The following NCOA6 variants were observed in gnomAD, a reference collection of about 807,000 sequenced individuals.
The protein encoded by NCOA6 is nuclear receptor coactivator 6, also known as NRC RAP250.
In NCOA6, 49 loss-of-function variants were observed where a neutral mutation model predicts 171.4. That is an observed-to-expected ratio of 0.29 (90% CI 0.23 to 0.36). The LOEUF (loss-of-function observed/expected upper bound fraction) is 0.36, where lower values mean the gene tolerates loss of function less well. Ranked by LOEUF, NCOA6 falls within the 10% of genes least tolerant of loss-of-function variation. The pLI, the probability that NCOA6 is intolerant of heterozygous loss-of-function variation, is 1.00. For missense variants in NCOA6, 2,248 were observed against 2,554.5 expected, an observed-to-expected ratio of 0.88 and a Z score of 2.59; for synonymous variants, 910 against 927.5, an observed-to-expected ratio of 0.98 and a Z score of 0.34.
At chr20:34,717,427 G>A (rs1196618329) in intron 14 of NCOA6, among the ~76,000 whole-genome samples, 1 of 152,050 alleles carries the variant, frequency 6.6e-6, no homozygotes, top group African/African-American at 2.4e-5. Flanking sequence ...TCCAGCTTGG[G>A]CAACAAGATT....
intron 5 of NCOA6, among the ~76,000 whole-genome samples, chr20:34,760,744 T>G (rs1410804833): frequency 1.3e-5 from 2 of 152,224 alleles, no homozygotes; most frequent in Non-Finnish European, 2.9e-5. Context: ...ACACTAAAAT[T>G]TATTAGCATA....
chr20:34,791,043 G>T (rs1197734490), intron 2 of NCOA6, among the ~76,000 whole-genome samples: 3 of 152,148 alleles, frequency 2.0e-5, no homozygotes, highest in Non-Finnish European at 4.4e-5. Context: ...ATGGGGAATG[G>T]GACATCTTAA....
At chr20:34,736,844 CT>C in intron 11 of NCOA6, 86 bp from the exon 12 acceptor site, 1 of 1,189,964 alleles carries the variant, frequency 8.4e-7, no homozygotes, top group Non-Finnish European at 1.2e-6. Context: ...GGCTAAGTAA[CT>C]GCTGAAACAA....
rs187293097 is a variant in NCOA6 at position 34,778,249 on chromosome 20, T to C, written c.236-1801A>G. On this transcript the variant is annotated intron_variant, in intron 3 of 14. Transcript: ENST00000359003. ...TAAAAAGGAAGGATATCCTGCCACA[T>C]GAATGGGCTTTGAGCATCTTACGCT... 5.5e-3 allele frequency among the ~76,000 whole-genome samples: 832 copies of C among 152,230 alleles called. 5 individuals are homozygous for C. Among genetic ancestry groups the C allele is most frequent in the Non-Finnish European group, 9.7e-3 (662 of 68,014 alleles).
Position 34,742,164 on chromosome 20 carries a change from T to C in NCOA6, c.4092A>G (p.Leu1364=), listed in dbSNP as rs572229553. The C allele has an allele frequency of 5.6e-6, 9 of 1,614,172 alleles. No homozygotes were observed. Among genetic ancestry groups the C allele is most frequent in the South Asian group, 2.2e-5 (2 of 91,084 alleles). Residue 1364 remains leucine, a synonymous_variant, in exon 11 of 15, where the codon CTA becomes CTG. Transcript: ENST00000359003. Reference sequence around the variant, plus strand: ...TTCTCGGCAACTCCACATTCTGCAATAGGGCTGCATTTGTCTGAGAGGCCA... The same window carrying C: ...TTCTCGGCAACTCCACATTCTGCAACAGGGCTGCATTTGTCTGAGAGGCCA... ...LTLASQTNAA[L]LQNVELPRNV...
rs926805806 is a variant in NCOA6 at position 34,727,264 on chromosome 20, G to C, written c.6143C>G (p.Thr2048Ser). 1.9e-6 allele frequency: 3 copies of C among 1,613,988 alleles called. No individual in the cohort carries two copies. The highest frequency in any genetic ancestry group is 2.5e-6 in the Non-Finnish European group (3 of 1,180,012). Residue 2048 changes from threonine (T) to serine (S), a missense_variant, in exon 14 of 15, where the codon ACT (threonine) becomes AGT (serine). This residue lies in a region of NCOA6 where 884 missense variants were observed against 941.9 expected (regional missense o/e 0.94). Transcript: ENST00000359003. ...SSRPASASSS[T>S]KDITSAVQSK... is the part of the protein sequence containing the mutation. ...ACCCACATCCCACTGCTAACCTTTAGTAGAGCTGGAGGCTGAAGCAGGTCG... is the reference window on the plus strand; with the variant it reads ...ACCCACATCCCACTGCTAACCTTTACTAGAGCTGGAGGCTGAAGCAGGTCG...
At position 34,729,894 on chromosome 20, in the gene NCOA6, C is replaced by T. The variant is rs766265735; in HGVS notation, c.6000-2487G>A. On this transcript the variant is annotated intron_variant, in intron 13 of 14. Coordinates refer to ENST00000359003, the MANE Select transcript of NCOA6 (RefSeq NM_014071.5). ...CATAGCTTTATGTATAACAGCCGCC[C>T]GACACCCAACCATAAGCCAAGGTAA... 3.3e-5 allele frequency among the ~76,000 whole-genome samples: 5 copies of T among 152,170 alleles called. 1 individual carries two copies. Among genetic ancestry groups the T allele is most frequent in the South Asian group, 2.1e-4 (1 of 4,812 alleles).
Position 34,742,891 on chromosome 20 carries a change from G to T in NCOA6, c.3365C>A (p.Ser1122Tyr). The T allele has an allele frequency of 1.2e-6, 2 of 1,614,224 alleles. No homozygotes were observed. Among genetic ancestry groups the T allele is most frequent in the Non-Finnish European group, 1.7e-6 (2 of 1,180,038 alleles). Reference sequence around the variant, plus strand: ...GGCCATCTCCGCCAGTGGCGAGCTGGAAGGATTCTGCGGGCTCTCCTGATA... The same window carrying T: ...GGCCATCTCCGCCAGTGGCGAGCTGTAAGGATTCTGCGGGCTCTCCTGATA... ...MVYQESPQNP[S>Y]SSPLAEMASL... The change falls in exon 11 of 15, where the codon TCC becomes TAC. Residue 1122 changes from serine to tyrosine, a missense_variant. Coordinates refer to ENST00000359003, the MANE Select transcript of NCOA6 (RefSeq NM_014071.5).
At chr20:34,779,049 T>C (rs1443846283) in intron 3 of NCOA6, among the ~76,000 whole-genome samples, 3 of 151,982 alleles carry the variant, frequency 2.0e-5, no homozygotes, top group African/African-American at 7.3e-5. Context: ...GTACATTTAA[T>C]TTCCACTAAA....
At chr20:34,777,842 G>T (rs1038429260) in intron 3 of NCOA6, among the ~76,000 whole-genome samples, 1 of 152,144 alleles carries the variant, frequency 6.6e-6, no homozygotes, top group Non-Finnish European at 1.5e-5. Context: ...CTAAGATATG[G>T]AAGCAACCCA....
rs185291031 is a variant in NCOA6, at chr20:34,741,866, G to C, written c.4390C>G (p.Pro1464Ala). 65 of 1,614,138 alleles carry C rather than the reference G, an allele frequency of 4.0e-5. No homozygotes were observed. The highest frequency in any genetic ancestry group is 2.5e-4 in the East Asian group (11 of 44,876). ...PEDQSKKDGQ[P>A]SDPNKLPSVE... is the part of the protein sequence containing the mutation. Reference sequence around the variant, plus strand: ...CTGGGAAGTTTGTTAGGATCCGAAGGCTGCCCATCCTTTTTGGACTGATCT... The same window carrying C: ...CTGGGAAGTTTGTTAGGATCCGAAGCCTGCCCATCCTTTTTGGACTGATCT... The change falls in exon 11 of 15, where the codon CCT (proline) becomes GCT (alanine). Residue 1464 changes from proline to alanine, a missense_variant. Pro to Ala is a conservative substitution (Grantham distance 27). Around this residue, in one of 7 missense-constraint regions of NCOA6, gnomAD observed 884 missense variants for 941.9 expected, o/e 0.94. Coordinates refer to ENST00000359003, the MANE Select transcript of NCOA6 (RefSeq NM_014071.5).
chr20:34,778,734 T>G (rs1196734529), intron 3 of NCOA6, among the ~76,000 whole-genome samples: 4 of 151,954 alleles, frequency 2.6e-5, no homozygotes, highest in Non-Finnish European at 5.9e-5. Flanking sequence ...CCAGAGATGT[T>G]TAATTTTACA....
intron 3 of NCOA6, among the ~76,000 whole-genome samples, chr20:34,777,188 T>C (rs994061962): frequency 6.9e-6 from 1 of 144,976 alleles, no homozygotes; most frequent in African/African-American, 2.6e-5. Flanking sequence ...AATAAGCACA[T>C]GAAAAAATGC....
chr20:34,769,510 C>T (rs1390946709), intron 4 of NCOA6, among the ~76,000 whole-genome samples: 1 of 151,756 alleles, frequency 6.6e-6, no homozygotes, highest in Admixed American at 6.6e-5. Flanking sequence ...ATTACAGGCG[C>T]CCACCACCAC....
Position 34,742,903 on chromosome 20 carries a change from G to A in NCOA6, c.3353C>T (p.Pro1118Leu), listed in dbSNP as rs767151504. Residue 1118 changes from proline to leucine, a missense_variant, in exon 11 of 15, where the codon CCG (proline) becomes CTG (leucine). Around this residue, in one of 7 missense-constraint regions of NCOA6, gnomAD observed 352 missense variants for 419.1 expected, o/e 0.84. Transcript: ENST00000359003. ...CAGTGGCGAGCTGGAAGGATTCTGC[G>A]GGCTCTCCTGATAGACCATTTTCCT... is the stretch of plus-strand genomic sequence containing the variant. ...NSRKMVYQES[P>L]QNPSSSPLAE... 9 of 1,614,032 alleles carry A rather than the reference G, an allele frequency of 5.6e-6. No homozygotes were observed. Among genetic ancestry groups the A allele is most frequent in the Admixed American group, 1.7e-5 (1 of 59,998 alleles).
chr20:34,819,029 A>G (rs1035303171), intron 1 of NCOA6, among the ~76,000 whole-genome samples: 2 of 152,162 alleles, frequency 1.3e-5, no homozygotes, highest in African/African-American at 4.8e-5. Flanking sequence ...ATTTCACCTC[A>G]TCTTTTAATT....
intron 10 of NCOA6, 82 bp from the exon 11 acceptor site, chr20:34,743,423 C>G: frequency 1.4e-6 from 2 of 1,423,800 alleles, no homozygotes; most frequent in Non-Finnish European, 1.9e-6. Context: ...CCAAGCAATA[C>G]TCATCTAGGT....
At position 34,741,707 on chromosome 20, in the gene NCOA6, G is replaced by T; in HGVS notation, c.4549C>A (p.Pro1517Thr). The T allele has an allele frequency of 6.2e-7, 1 of 1,614,198 alleles. No homozygotes were observed. Among genetic ancestry groups the T allele is most frequent in the South Asian group, 1.1e-5 (1 of 91,086 alleles). The change falls in exon 11 of 15, where the codon CCT becomes ACT. Residue 1517 changes from proline (P) to threonine (T), a missense_variant. Transcript: ENST00000359003. Reference protein sequence around the residue: ...PPGLTDLEVTPPVVSGEDLKK... With the variant: ...PPGLTDLEVTTPVVSGEDLKK... ...AGGTCCTCCCCAGAAACTACTGGAG[G>T]TGTTACTTCCAGATCTGTAAGCCCA...
intron 4 of NCOA6, among the ~76,000 whole-genome samples, chr20:34,773,140 C>T (rs1047676327): frequency 1.3e-5 from 2 of 152,134 alleles, no homozygotes; most frequent in Non-Finnish European, 2.9e-5. Flanking sequence ...GTTTACATAT[C>T]GCCTATGGCT....
Sources: allele counts gnomAD v4.1 joint callset (sites outside exome capture counted in the v4.1 genomes callset), GRCh38; gene constraint gnomAD v4.1.1; regional missense constraint gnomAD v4.1.1; transcripts MANE v1.5; gene names NCBI Gene and HGNC (gene_info 2026-07-23, HGNC 2026-07-21).